MRE11: variants seen among roughly 807,000 people sequenced by gnomAD.
The protein encoded by MRE11 is MRE11 double strand break repair nuclease.
In MRE11, 62 loss-of-function variants were observed where a neutral mutation model predicts 91.7. The observed-to-expected ratio is 0.68, with a 90% confidence interval of 0.55 to 0.84. The LOEUF (loss-of-function observed/expected upper bound fraction) is 0.84. Among genes scored for constraint, MRE11 ranks in the 40% least tolerant of loss-of-function variants. MRE11 has a pLI of 0.00. For missense variants in MRE11, 796 were observed against 852.9 expected (o/e 0.93, Z 0.83); for synonymous variants, 273 against 271.4 (o/e 1.01, Z -0.06).
chr11:94,471,977 G>A (rs1385126212), intron 7 of MRE11, among the ~76,000 whole-genome samples: 6 of 151,940 alleles, frequency 3.9e-5, no homozygotes, highest in South Asian at 4.1e-4. Context: ...GTGGAAACCC[G>A]AAAAGAGAAA....
intron 16 of MRE11, among the ~76,000 whole-genome samples, chr11:94,437,828 C>G (rs867800299): frequency 1.3e-5 from 2 of 152,000 alleles, no homozygotes; most frequent in Non-Finnish European, 2.9e-5. Flanking sequence ...TCCTTGACAT[C>G]GAAACCTACA....
chr11:94,426,756 T>G (rs962072851), intron 19 of MRE11, among the ~76,000 whole-genome samples: 1 of 152,092 alleles, frequency 6.6e-6, no homozygotes, highest in Non-Finnish European at 1.5e-5. Flanking sequence ...ACAAAAGATC[T>G]TTAGAGACTA....
chr11:94,420,416 A>T (rs1365766807), intron 19 of MRE11, among the ~76,000 whole-genome samples: 1 of 152,252 alleles, frequency 6.6e-6, no homozygotes, highest in East Asian at 1.9e-4. Flanking sequence ...AACCACACAC[A>T]TTTCCCTTAC....
chr11:94,460,834 T>C (rs748419494), intron 12 of MRE11, 102 bp downstream of exon 12: 39 of 959,218 alleles, frequency 4.1e-5, no homozygotes, highest in Non-Finnish European at 5.5e-5. Flanking sequence ...TAGAAACATT[T>C]TGAGGATTCA....
intron 13 of MRE11, 79 bp downstream of exon 13, chr11:94,459,329 T>C: frequency 6.9e-7 from 1 of 1,449,226 alleles, no homozygotes; most frequent in Non-Finnish European, 9.7e-7. Context: ...TAAATAGTGA[T>C]TTACCAGAAA....
chr11:94,436,737 C>T (rs1208053492), intron 17 of MRE11, among the ~76,000 whole-genome samples: 1 of 152,210 alleles, frequency 6.6e-6, no homozygotes, highest in African/African-American at 2.4e-5. Flanking sequence ...AAACCTAGGG[C>T]AAACCACATG....
intron 18 of MRE11, among the ~76,000 whole-genome samples, chr11:94,430,328 A>G (rs1945430658): frequency 6.6e-6 from 1 of 152,184 alleles, no homozygotes; most frequent in South Asian, 2.1e-4. Context: ...ACACATATTA[A>G]GTACTACAAC....
intron 16 of MRE11, among the ~76,000 whole-genome samples, chr11:94,439,267 T>C (rs954817121): frequency 2.0e-5 from 3 of 152,142 alleles, no homozygotes; most frequent in Non-Finnish European, 4.4e-5. Flanking sequence ...TTCACAGGTA[T>C]TCTGTCAGAG....
At chr11:94,498,769 G>T (rs1475911194), upstream of MRE11, 4 of 523,550 alleles carry the variant, frequency 7.6e-6, no homozygotes, top group African/African-American at 5.8e-5. Flanking sequence ...TAATTTTAAT[G>T]TGTGTATACT....
upstream of MRE11, chr11:94,497,512 A>G (rs536956539): frequency 2.5e-4 from 39 of 157,976 alleles, no homozygotes; most frequent in African/African-American, 8.4e-4. Context: ...ACCCAAGAGC[A>G]TGCCACATTT....
Position 94,456,309 on chromosome 11 carries a change from T to G in MRE11, c.1530A>C (p.Lys510Asn). Residue 510 changes from lysine (K) to asparagine (N), a missense_variant, in exon 14 of 20, where the codon AAA (lysine) becomes AAC (asparagine). By Grantham distance (94) the Lys-to-Asn change is moderately conservative. Coordinates refer to ENST00000323929, the MANE Select transcript of MRE11 (RefSeq NM_005591.4). The part of the protein sequence containing the change: ...EVRRFRETRQ[K>N]NTNEEDDEVR... ...CTTCATCATCTTCTTCATTAGTATT[T>G]TTTTGTCTGGTTTCTCTGAAACGAC... 6.2e-7 allele frequency: 1 copy of G among 1,613,712 alleles called. No individual in the cohort carries two copies. Among genetic ancestry groups the G allele is most frequent in the Non-Finnish European group, 8.5e-7 (1 of 1,179,886 alleles).
chr11:94,498,522 C>T, upstream of MRE11: 1 of 1,611,028 alleles, frequency 6.2e-7, no homozygotes. Flanking sequence ...AATTCTTCAC[C>T]TCAGTCTTAA....
Position 94,437,200 on chromosome 11 carries a change from C to A in MRE11, c.1903G>T (p.Val635Phe). Residue 635 changes from valine to phenylalanine, a missense_variant, in exon 17 of 20, where the codon GTC (valine) becomes TTC (phenylalanine). Physicochemically the swap from Val to Phe is conservative, Grantham distance 50. Transcript: ENST00000323929. ...KSTRQQPSRNVTTKNYSEVIE... is the reference protein window; with the variant it reads ...KSTRQQPSRNFTTKNYSEVIE... ...ACCTCTGAATAATTCTTAGTAGTGA[C>A]ATTTCGGGAAGGCTGCTGTCTTGTA... The A allele has an allele frequency of 6.2e-7, 1 of 1,612,866 alleles. No homozygotes were observed. Among genetic ancestry groups the A allele is most frequent in the Non-Finnish European group, 8.5e-7 (1 of 1,179,364 alleles).
intron 4 of MRE11, 144 bp downstream of exon 4, chr11:94,485,780 C>T (rs1300681331): frequency 1.0e-5 from 8 of 769,092 alleles, no homozygotes; most frequent in Non-Finnish European, 1.7e-5. Flanking sequence ...TAAATTAATA[C>T]AATGATGTAC....
intron 14 of MRE11, among the ~76,000 whole-genome samples, chr11:94,452,263 T>C (rs1173075406): frequency 4.1e-5 from 6 of 146,564 alleles, no homozygotes; most frequent in Non-Finnish European, 9.0e-5. Flanking sequence ...CCAAACAAAA[T>C]GACCATGTGT....
In MRE11 at chr11:94,420,071, G is replaced by T; in HGVS notation, c.*54C>A. 7.2e-7 allele frequency: 1 copy of T among 1,389,650 alleles called. No individual in the cohort carries two copies. The highest frequency in any genetic ancestry group is 1.0e-6 in the Non-Finnish European group (1 of 985,434). The allele number at this position is 1,389,650 out of a possible 1,614,324, so 86.1% of individuals were successfully genotyped here. On this transcript the variant is annotated 3_prime_UTR_variant, in exon 20 of 20. Transcript: ENST00000323929. ...ATCTTAAACTGTAAACTCTTAGCTT[G>T]TAACATTTTCATTTTTCCTGTATCT...
chr11:94,452,678 A>G (rs929348508), intron 14 of MRE11, among the ~76,000 whole-genome samples: 4 of 152,182 alleles, frequency 2.6e-5, no homozygotes, highest in African/African-American at 9.7e-5. Context: ...TCCTATGAAA[A>G]ACAGAGTTTA....
chr11:94,456,274 A>C lies in MRE11; in HGVS notation c.1563+2T>G, dbSNP rs1423195319. On this transcript the variant is annotated splice_donor_variant, in intron 14 of 19. Transcript: ENST00000323929. LOFTEE classifies it high-confidence loss of function. ...CACAAGAATTTGCAGCAGAATAATT[A>C]CCTCACGGACTTCATCATCTTCTTC... 6.2e-7 allele frequency: 1 copy of C among 1,613,116 alleles called. No individual in the cohort carries two copies. The highest frequency in any genetic ancestry group is 1.3e-5 in the African/African-American group (1 of 75,008).
intron 19 of MRE11, among the ~76,000 whole-genome samples, chr11:94,426,915 T>C (rs1945336923): frequency 1.3e-5 from 2 of 152,050 alleles, no homozygotes; most frequent in Non-Finnish European, 2.9e-5. Flanking sequence ...AATAAAAAAC[T>C]GACCAACCAA....
Sources: gnomAD v4.1 joint callset for allele counts (sites outside exome capture counted in the v4.1 genomes callset) on GRCh38, gnomAD v4.1.1 for gene constraint, MANE v1.5 for transcripts, NCBI Gene and HGNC (gene_info 2026-07-23, HGNC 2026-07-21) for gene names.